The following SLIT2 variants were observed in gnomAD, a reference collection of about 807,000 sequenced individuals.
SLIT2 encodes slit homolog 2 protein.
A neutral mutation model predicts 185.7 loss-of-function variants in SLIT2; 41 were observed. The ratio of observed to expected loss-of-function variants is 0.22; its 90% CI spans 0.17 to 0.29. SLIT2 has a LOEUF of 0.29. SLIT2 is among the 10% of genes least tolerant of loss of function. The pLI is 1.00. For missense variants in SLIT2, 1,571 were observed against 1,909.0 expected, an observed-to-expected ratio of 0.82 and a Z score of 3.30; for synonymous variants, 693 against 680.2, an observed-to-expected ratio of 1.02 and a Z score of -0.29.
intron 9 of SLIT2, among the ~76,000 whole-genome samples, chr4:20,508,163 G>T (rs147923250): frequency 7.2e-4 from 109 of 152,028 alleles, no homozygotes; most frequent in African/African-American, 2.5e-3. Context: ...ACTGTCTTCT[G>T]GAGTAAATCC....
intron 4 of SLIT2, among the ~76,000 whole-genome samples, chr4:20,344,392 C>G (rs374418181): frequency 5.9e-5 from 9 of 152,090 alleles, no homozygotes; most frequent in Non-Finnish European, 1.3e-4. Context: ...GTATTATACA[C>G]GATTTCATGG....
chr4:20,473,520 A>G (rs1043610662), intron 5 of SLIT2, among the ~76,000 whole-genome samples: 1 of 151,970 alleles, frequency 6.6e-6, no homozygotes, highest in Admixed American at 6.6e-5. Context: ...GGCAAACAGG[A>G]TAGAGAGAGT....
intron 4 of SLIT2, among the ~76,000 whole-genome samples, chr4:20,337,774 A>T (rs1720627488): frequency 6.6e-6 from 1 of 152,210 alleles, no homozygotes; most frequent in Admixed American, 6.5e-5. Flanking sequence ...TGATCTCAAC[A>T]TGTAGCAGAT....
chr4:20,468,160 T>A (rs1714563785), intron 5 of SLIT2, among the ~76,000 whole-genome samples: 1 of 152,158 alleles, frequency 6.6e-6, no homozygotes, highest in Non-Finnish European at 1.5e-5. Context: ...ATTCAGTTGC[T>A]GTTGGTGTTT....
intron 4 of SLIT2, among the ~76,000 whole-genome samples, chr4:20,384,975 A>G (rs747047191): frequency 1.3e-5 from 2 of 152,154 alleles, no homozygotes; most frequent in Non-Finnish European, 2.9e-5. Context: ...ATGCAAAAGA[A>G]CTTCCAAAAT....
chr4:20,488,729 A>G lies in SLIT2; in HGVS notation c.612-90A>G, dbSNP rs532322563. 2.1e-4 allele frequency: 182 copies of G among 880,762 alleles called. No individual in the cohort carries two copies. In the African/African-American group the frequency reaches 2.8e-3, roughly 13 times the overall value. 54.6% of individuals were successfully genotyped at this position (880,762 alleles called of 1,614,324 possible). On this transcript the variant is annotated intron_variant, in intron 7 of 36. Transcript: ENST00000504154. Reference sequence around the variant, plus strand: ...ATTATATTGGAATCTGCTTAGCTTTATCTACTTCTATGTTAAGAAATACAG... The same window carrying G: ...ATTATATTGGAATCTGCTTAGCTTTGTCTACTTCTATGTTAAGAAATACAG...
At chr4:20,567,213 AG>A (rs1221481223) in intron 26 of SLIT2, 48 bp from the exon 27 acceptor site, 9 of 1,538,974 alleles carry the variant, frequency 5.8e-6, no homozygotes, top group Non-Finnish European at 7.1e-6. Context: ...AGTAATTAAA[AG>A]TAAACTGGAA....
intron 5 of SLIT2, among the ~76,000 whole-genome samples, chr4:20,472,238 C>CTATATATCTA (rs1471267852): frequency 0.024 from 880 of 37,384 alleles, 108 homozygotes; most frequent in Admixed American, 0.038. Flanking sequence ...ATATATAGAT[C>CTATATATCTA]TATATATCTA....
At chr4:20,292,819 G>A (rs989312410) in intron 4 of SLIT2, among the ~76,000 whole-genome samples, 9 of 151,938 alleles carry the variant, frequency 5.9e-5, no homozygotes, top group African/African-American at 9.7e-5. Flanking sequence ...TGAAGCTGCC[G>A]TATTTATTAT....
At chr4:20,267,264 T>G (rs1713126332) in intron 3 of SLIT2, among the ~76,000 whole-genome samples, 1 of 152,024 alleles carries the variant, frequency 6.6e-6, no homozygotes, top group South Asian at 2.1e-4. Flanking sequence ...TGACTTTAAA[T>G]TTTACCTTGT....
chr4:20,311,402 T>C (rs1718091579), intron 4 of SLIT2, among the ~76,000 whole-genome samples: 1 of 152,206 alleles, frequency 6.6e-6, no homozygotes, highest in African/African-American at 2.4e-5. Context: ...TTTCTTTACA[T>C]TTTTGTGTTC....
intron 4 of SLIT2, among the ~76,000 whole-genome samples, chr4:20,389,743 G>A (rs1399941942): frequency 6.6e-6 from 1 of 152,052 alleles, no homozygotes; most frequent in Admixed American, 6.6e-5. Context: ...GTGAAGAGGA[G>A]GTACAGATGA....
intron 28 of SLIT2, among the ~76,000 whole-genome samples, 195 bp from the exon 29 acceptor site, chr4:20,568,670 G>A (rs897798131): frequency 7.2e-5 from 11 of 151,798 alleles, no homozygotes; most frequent in Admixed American, 7.2e-4. Context: ...TTTTTTGAAG[G>A]GTTTCTGCTT....
At chr4:20,313,173 A>G (rs980747615) in intron 4 of SLIT2, among the ~76,000 whole-genome samples, 4 of 152,206 alleles carry the variant, frequency 2.6e-5, no homozygotes, top group Non-Finnish European at 4.4e-5. Flanking sequence ...TTGGTAATTT[A>G]TAAAAGAAAA....
chr4:20,286,793 C>G (rs1213869703), intron 4 of SLIT2, among the ~76,000 whole-genome samples: 1 of 152,164 alleles, frequency 6.6e-6, no homozygotes, highest in African/African-American at 2.4e-5. Flanking sequence ...CAGAGCAAGA[C>G]TTCATCTCTA....
intron 6 of SLIT2, among the ~76,000 whole-genome samples, chr4:20,485,719 C>T (rs1274865849): frequency 6.6e-6 from 1 of 152,154 alleles, no homozygotes; most frequent in Non-Finnish European, 1.5e-5. Context: ...TAATAGTTAT[C>T]AGGACTCTGT....
intron 4 of SLIT2, among the ~76,000 whole-genome samples, chr4:20,422,514 C>T (rs1728241858): frequency 6.6e-6 from 1 of 152,114 alleles, no homozygotes. Context: ...TCAAATGATG[C>T]AATACAGGTC....
At chr4:20,330,387 T>C (rs1190159141) in intron 4 of SLIT2, among the ~76,000 whole-genome samples, 2 of 152,108 alleles carry the variant, frequency 1.3e-5, no homozygotes, top group African/African-American at 4.8e-5. Flanking sequence ...TATTAGGTGA[T>C]AATGATGTGG....
At chr4:20,300,749 G>A (rs1431827623) in intron 4 of SLIT2, among the ~76,000 whole-genome samples, 1 of 151,970 alleles carries the variant, frequency 6.6e-6, no homozygotes, top group Non-Finnish European at 1.5e-5. Flanking sequence ...AATTTCAAGA[G>A]CAATAAATCT....
Sources: allele counts gnomAD v4.1 joint callset (sites outside exome capture counted in the v4.1 genomes callset), GRCh38; gene constraint gnomAD v4.1.1; transcripts MANE v1.5; gene names NCBI Gene and HGNC (gene_info 2026-07-23, HGNC 2026-07-21).